NECTIN3: variants seen among roughly 807,000 people sequenced by gnomAD.
The protein encoded by NECTIN3 is nectin-3.
Under a neutral mutation model 49.4 loss-of-function variants are expected in NECTIN3, and 8 were observed. The observed-to-expected ratio is 0.16, with a 90% CI of 0.10 to 0.29. NECTIN3 has a LOEUF of 0.29. NECTIN3 is among the 10% of genes least tolerant of loss of function. The pLI is 1.00. For missense variants in NECTIN3, 581 were observed against 654.6 expected (o/e 0.89, Z 1.23); for synonymous variants, 277 against 241.1 (o/e 1.15, Z -1.38).
chr3:111,121,480 TAA>T (rs1240750558), intron 3 of NECTIN3, among the ~76,000 whole-genome samples: 1 of 152,176 alleles, frequency 6.6e-6, no homozygotes, highest in African/African-American at 2.4e-5. Context: ...GCACATATGC[TAA>T]AAGACTTTTG....
chr3:111,111,398 GAC>G (rs1352628925), intron 1 of NECTIN3, among the ~76,000 whole-genome samples: 1 of 151,970 alleles, frequency 6.6e-6, no homozygotes, highest in African/African-American at 2.4e-5. Flanking sequence ...AACATTTTCT[GAC>G]AATTGATCTG....
chr3:111,142,052 T>C (rs2034760344), downstream of NECTIN3, among the ~76,000 whole-genome samples: 1 of 151,834 alleles, frequency 6.6e-6, no homozygotes, highest in East Asian at 1.9e-4. Flanking sequence ...TGGGCTGAGA[T>C]ATGTGCGAAA....
chr3:111,141,284 A>G (rs1326135437), downstream of NECTIN3, among the ~76,000 whole-genome samples: 1 of 151,940 alleles, frequency 6.6e-6, no homozygotes, highest in Non-Finnish European at 1.5e-5. Context: ...GAGCAAATCA[A>G]AGGTGGGAAG....
At chr3:111,118,248 C>CGCTATATA (rs1553723385) in intron 2 of NECTIN3, among the ~76,000 whole-genome samples, 1 of 78,002 alleles carries the variant, frequency 1.3e-5, no homozygotes, top group African/African-American at 4.3e-5. Flanking sequence ...TAAAATGAAG[C>CGCTATATA]TATATATATA....
intron 7 of NECTIN3, among the ~76,000 whole-genome samples, chr3:111,180,990 T>C (rs1008246149): frequency 1.3e-5 from 2 of 152,126 alleles, no homozygotes; most frequent in African/African-American, 4.8e-5. Context: ...ATGCCATATT[T>C]TAAGTGTACA....
chr3:111,073,683 G>A (rs1161430160), intron 1 of NECTIN3, among the ~76,000 whole-genome samples: 1 of 152,138 alleles, frequency 6.6e-6, no homozygotes, highest in East Asian at 1.9e-4. Flanking sequence ...ACAGTTGGAG[G>A]GGACCTTACC....
chr3:111,072,317 A>G (rs1187922723), intron 1 of NECTIN3, 140 bp downstream of exon 1: 2 of 1,432,306 alleles, frequency 1.4e-6, no homozygotes, highest in Non-Finnish European at 1.8e-6. Context: ...TTGGCTGGAA[A>G]CTTTTCGCCG....
intron 1 of NECTIN3, among the ~76,000 whole-genome samples, chr3:111,085,738 A>G (rs2031886459): frequency 1.3e-5 from 2 of 150,734 alleles, no homozygotes; most frequent in South Asian, 4.2e-4. Flanking sequence ...ATTTTGTTCC[A>G]TGACTGTTCC....
chr3:111,181,446 G>A (rs533590115), intron 7 of NECTIN3, among the ~76,000 whole-genome samples: 162 of 152,138 alleles, frequency 1.1e-3, no homozygotes, highest in African/African-American at 3.7e-3. Context: ...TATTTTTCTG[G>A]TTTTAGTATC....
intron 7 of NECTIN3, among the ~76,000 whole-genome samples, chr3:111,179,125 C>T (rs1208622891): frequency 6.6e-6 from 1 of 152,334 alleles, no homozygotes; most frequent in South Asian, 2.1e-4. Flanking sequence ...CTAATGCTGT[C>T]TGTTTTAATC....
intron 5 of NECTIN3, among the ~76,000 whole-genome samples, chr3:111,132,397 A>G (rs1276154456): frequency 6.6e-6 from 1 of 151,902 alleles, no homozygotes; most frequent in Non-Finnish European, 1.5e-5. Flanking sequence ...TAATATTAGA[A>G]TAACTTACCC....
intron 1 of NECTIN3, chr3:111,072,641 C>T: frequency 1.4e-6 from 2 of 1,456,276 alleles, no homozygotes; most frequent in Non-Finnish European, 9.3e-7. Context: ...TGGCCTTCCA[C>T]CCTGGAGAAG....
chr3:111,165,168 CGAGTAGCTGGGACTA>C (rs1194597082), intron 7 of NECTIN3, among the ~76,000 whole-genome samples: 2 of 151,990 alleles, frequency 1.3e-5, no homozygotes, highest in African/African-American at 4.8e-5. Flanking sequence ...CTCAGCCTCC[CGAGTAGCTGGGACTA>C]CAGGTGCCCG....
intron 1 of NECTIN3, among the ~76,000 whole-genome samples, chr3:111,103,954 TAAAG>T (rs2033046507): frequency 6.6e-6 from 1 of 152,178 alleles, no homozygotes; most frequent in Admixed American, 6.5e-5. Flanking sequence ...GGTGTACAAA[TAAAG>T]CCACTATGAA....
intron 1 of NECTIN3, among the ~76,000 whole-genome samples, chr3:111,082,326 G>A (rs913917259): frequency 5.9e-5 from 9 of 152,060 alleles, no homozygotes; most frequent in Non-Finnish European, 1.2e-4. Context: ...GAATTATCAG[G>A]ATTGAGGTAT....
intron 1 of NECTIN3, among the ~76,000 whole-genome samples, chr3:111,083,575 A>G (rs1466588845): frequency 6.6e-6 from 1 of 152,182 alleles, no homozygotes; most frequent in African/African-American, 2.4e-5. Context: ...TCAGACTTTC[A>G]TGCTCCAGAG....
At position 111,112,125 on chromosome 3, in the gene NECTIN3, A is replaced by G. The variant is rs767088764; in HGVS notation, c.256A>G (p.Ile86Val). The change falls in exon 2 of 6, where the codon ATA becomes GTA. Residue 86 changes from isoleucine to valine, a missense_variant. Coordinates refer to ENST00000485303, the MANE Select transcript of NECTIN3 (RefSeq NM_015480.3). ...LKCLIEVNET[I>V]TQISWEKIHG... ...GTGTTTAATTGAAGTAAATGAAACC[A>G]TAACACAGATTTCATGGGAGAAGAT... 6.2e-6 allele frequency: 10 copies of G among 1,613,524 alleles called. No homozygotes were observed. The highest frequency in any genetic ancestry group is 4.0e-5 in the African/African-American group (3 of 74,900).
At chr3:111,155,584 ATTG>A (rs2035080952) in intron 7 of NECTIN3, among the ~76,000 whole-genome samples, 1 of 152,222 alleles carries the variant, frequency 6.6e-6, no homozygotes, top group East Asian at 1.9e-4. Context: ...AAGCAACTAA[ATTG>A]TTGTCAGAGA....
At chr3:111,092,455 T>C (rs1207521547) in intron 1 of NECTIN3, among the ~76,000 whole-genome samples, 1 of 152,188 alleles carries the variant, frequency 6.6e-6, no homozygotes, top group African/African-American at 2.4e-5. Flanking sequence ...CTATGATCCA[T>C]TTTGATATAA....
Sources: gnomAD v4.1 joint callset for allele counts (sites outside exome capture counted in the v4.1 genomes callset) on GRCh38, gnomAD v4.1.1 for gene constraint, MANE v1.5 for transcripts, NCBI Gene and HGNC (gene_info 2026-07-23, HGNC 2026-07-21) for gene names.